The following ZNF804B variants were observed in gnomAD, a reference collection of about 807,000 sequenced individuals.
ZNF804B encodes zinc finger 804B.
In ZNF804B, 80 loss-of-function variants were observed where a neutral mutation model predicts 101.4. The observed-to-expected ratio is 0.79, with a 90% confidence interval of 0.66 to 0.95. ZNF804B has a LOEUF of 0.95. Ranked by LOEUF, ZNF804B falls within the 40% of genes least tolerant of loss-of-function variation. ZNF804B has a pLI of 0.00. For synonymous variants in ZNF804B, 622 were observed against 558.8 expected (o/e 1.11, Z -1.59); for missense variants, 1,673 against 1,561.9 (o/e 1.07, Z -1.20).
intron 1 of ZNF804B, among the ~76,000 whole-genome samples, chr7:88,950,217 G>T (rs2116065835): frequency 6.6e-6 from 1 of 151,876 alleles, no homozygotes; most frequent in Non-Finnish European, 1.5e-5. Context: ...TTTCCATGTT[G>T]TTTGTTTAAT....
At chr7:89,093,782 T>C (rs1426729301) in intron 1 of ZNF804B, among the ~76,000 whole-genome samples, 1 of 152,242 alleles carries the variant, frequency 6.6e-6, no homozygotes, top group Non-Finnish European at 1.5e-5. Flanking sequence ...TCAACAGGTA[T>C]AGAAAGGTCC....
At chr7:89,038,299 C>T (rs953730227) in intron 1 of ZNF804B, among the ~76,000 whole-genome samples, 3 of 152,094 alleles carry the variant, frequency 2.0e-5, no homozygotes, top group Admixed American at 6.6e-5. Context: ...TACGAGAGTT[C>T]CCTTCTCTCC....
At chr7:89,197,264 A>C (rs1788569793) in intron 1 of ZNF804B, among the ~76,000 whole-genome samples, 1 of 151,964 alleles carries the variant, frequency 6.6e-6, no homozygotes, top group African/African-American at 2.4e-5. Flanking sequence ...AACACCTAAA[A>C]CAAAACAAAA....
chr7:89,336,258 A>G lies in ZNF804B; in HGVS notation c.3276A>G (p.Gln1092=). 1 of 1,613,894 alleles carries G rather than the reference A, an allele frequency of 6.2e-7. No homozygotes were observed. Among genetic ancestry groups the G allele is most frequent in the Non-Finnish European group, 8.5e-7 (1 of 1,179,962 alleles). ...YTGVTDSTET[Q]EDQINLDLQD... ...GTGTGACTGATTCAACAGAGACCCA[A>G]GAAGACCAAATAAATCTAGACTTAC... is the stretch of plus-strand genomic sequence containing the variant. Residue 1092 remains glutamine (Q), a synonymous_variant, in exon 4 of 4, where the codon CAA becomes CAG. Coordinates refer to ENST00000333190, the MANE Select transcript of ZNF804B (RefSeq NM_181646.5).
At chr7:89,063,702 C>T (rs1475654177) in intron 1 of ZNF804B, among the ~76,000 whole-genome samples, 1 of 152,136 alleles carries the variant, frequency 6.6e-6, no homozygotes, top group African/African-American at 2.4e-5. Context: ...AATTATTTAA[C>T]TAAAATTGTC....
chr7:89,244,354 A>G (rs1047501113), intron 2 of ZNF804B, among the ~76,000 whole-genome samples: 1 of 152,082 alleles, frequency 6.6e-6, no homozygotes, highest in African/African-American at 2.4e-5. Flanking sequence ...ACTTTGCCTC[A>G]TGCTTTGCAA....
At chr7:89,208,201 C>T (rs1442308588) in intron 1 of ZNF804B, among the ~76,000 whole-genome samples, 2 of 151,812 alleles carry the variant, frequency 1.3e-5, no homozygotes, top group Admixed American at 1.3e-4. Context: ...CCTGCCTCAG[C>T]CTCCCGAGTA....
chr7:89,251,495 C>A (rs1789539850), intron 2 of ZNF804B, among the ~76,000 whole-genome samples: 1 of 150,544 alleles, frequency 6.6e-6, no homozygotes, highest in South Asian at 2.1e-4. Flanking sequence ...ACTGGAAGTA[C>A]CAATATCATT....
At position 88,783,679 on chromosome 7, in the gene ZNF804B, A is replaced by C. The variant is rs950046981; in HGVS notation, c.108+23595A>C. 2.0e-5 allele frequency among the ~76,000 whole-genome samples: 3 copies of C among 152,126 alleles called. No individual in the cohort carries two copies. In the East Asian group the frequency reaches 5.8e-4, roughly 29 times the overall value. ...CATAGCTGCAGAGAATCGTTACAAT[A>C]ATATGGGAATGGTAAAAGAGTAGAT... On this transcript the variant is annotated intron_variant, in intron 1 of 3. Coordinates refer to ENST00000333190, the MANE Select transcript of ZNF804B (RefSeq NM_181646.5).
intron 1 of ZNF804B, among the ~76,000 whole-genome samples, chr7:88,966,829 A>G (rs1793461572): frequency 6.6e-6 from 1 of 151,562 alleles, no homozygotes; most frequent in Admixed American, 6.6e-5. Context: ...CAGTTCAATT[A>G]TTAATATTTC....
chr7:88,873,105 A>C (rs1423309739), intron 1 of ZNF804B, among the ~76,000 whole-genome samples: 1 of 151,730 alleles, frequency 6.6e-6, no homozygotes, highest in Non-Finnish European at 1.5e-5. Flanking sequence ...AAGTGTTCCT[A>C]TTTCTCCACA....
At chr7:89,104,466 T>C (rs1215404549) in intron 1 of ZNF804B, among the ~76,000 whole-genome samples, 2 of 152,030 alleles carry the variant, frequency 1.3e-5, no homozygotes, top group African/African-American at 4.8e-5. Context: ...GGTTCAATTT[T>C]GGGAGTTTGT....
chr7:89,239,490 T>A (rs577299213), intron 2 of ZNF804B, among the ~76,000 whole-genome samples: 44 of 152,272 alleles, frequency 2.9e-4, no homozygotes, highest in African/African-American at 1.1e-3. Context: ...CTTCAACTTT[T>A]CTAAATCCAG....
intron 1 of ZNF804B, among the ~76,000 whole-genome samples, chr7:88,766,331 A>T (rs1047208289): frequency 1.3e-5 from 2 of 152,178 alleles, no homozygotes; most frequent in African/African-American, 2.4e-5. Flanking sequence ...TAAATAAAAC[A>T]TAAAAGGGGG....
At position 89,218,327 on chromosome 7, in the gene ZNF804B, C is replaced by T. The variant is rs894501020; in HGVS notation, c.249+32C>T. The T allele has an allele frequency of 1.1e-5, 18 of 1,611,566 alleles. No individual in the cohort carries two copies. The African/African-American group carries it at 2.4e-4, about 22-fold the overall frequency. ...CAAAGTGGGAAAAGTCCTTCATATT[C>T]CTGTATTTATACCTTCAGAACAGAA... On this transcript the variant is annotated intron_variant, in intron 2 of 3. Coordinates refer to ENST00000333190, the MANE Select transcript of ZNF804B (RefSeq NM_181646.5).
rs549663701 is a variant in ZNF804B at position 88,797,127 on chromosome 7, GT to G, written c.108+37049del. On this transcript the variant is annotated intron_variant, in intron 1 of 3. Transcript: ENST00000333190. Reference sequence around the variant, plus strand: ...ACCCCACTTGTGTCTAAATTAACATGTTTTTTCCTCTCAGTTCCCAGGCCAA... The same window carrying G: ...ACCCCACTTGTGTCTAAATTAACATGTTTTTCCTCTCAGTTCCCAGGCCAA... 2.0e-3 allele frequency among the ~76,000 whole-genome samples: 301 copies of G among 152,124 alleles called. 1 individual carries two copies. Among genetic ancestry groups the G allele is most frequent in the African/African-American group, 6.9e-3 (286 of 41,526 alleles).
intron 1 of ZNF804B, among the ~76,000 whole-genome samples, chr7:89,211,681 C>G (rs34565978): frequency 0.28 from 43,219 of 151,886 alleles, 6,372 homozygotes; most frequent in Non-Finnish European, 0.32. Flanking sequence ...TCTGAGTTCT[C>G]TATTCTGTTC....
chr7:89,287,211 T>A (rs976563080), intron 2 of ZNF804B, among the ~76,000 whole-genome samples: 3 of 152,208 alleles, frequency 2.0e-5, no homozygotes, highest in Non-Finnish European at 2.9e-5. Flanking sequence ...AAGAGTAGGC[T>A]ATTAGTAGTT....
intron 2 of ZNF804B, among the ~76,000 whole-genome samples, chr7:89,227,131 TTTTC>T (rs1789101478): frequency 6.6e-6 from 1 of 152,226 alleles, no homozygotes; most frequent in African/African-American, 2.4e-5. Flanking sequence ...CATGGCTATG[TTTTC>T]TTTATTTCCT....
Sources: gnomAD v4.1 joint callset for allele counts (sites outside exome capture counted in the v4.1 genomes callset) on GRCh38, gnomAD v4.1.1 for gene constraint, MANE v1.5 for transcripts, NCBI Gene and HGNC (gene_info 2026-07-23, HGNC 2026-07-21) for gene names.